EYA1: variants seen among roughly 807,000 people sequenced by gnomAD.
The protein encoded by EYA1 is EYA transcriptional coactivator and phosphatase 1.
EYA1 carries 16 observed loss-of-function variants against 82.0 expected under a neutral mutation model. The observed-to-expected ratio is 0.20, with a 90% CI of 0.13 to 0.30. EYA1 has a LOEUF of 0.30. EYA1 is among the 10% of genes least tolerant of loss of function. The pLI is 1.00. For missense variants in EYA1, 633 were observed against 730.7 expected (o/e 0.87, Z 1.54); for synonymous variants, 261 against 264.4 (o/e 0.99, Z 0.12).
intron 9 of EYA1, among the ~76,000 whole-genome samples, chr8:71,298,093 TAG>T (rs1819785729): frequency 6.6e-6 from 1 of 152,210 alleles, no homozygotes; most frequent in African/African-American, 2.4e-5. Context: ...TATAATTCTA[TAG>T]TCAAAAATTA....
intron 2 of EYA1, chr8:71,470,935 T>TAA: frequency 5.4e-6 from 2 of 372,768 alleles, no homozygotes; most frequent in Admixed American, 2.9e-5. Context: ...CAATGGGCTT[T>TAA]AAAAAAAAAA....
At chr8:71,513,126 A>C (rs1312258519) in intron 2 of EYA1, among the ~76,000 whole-genome samples, 2 of 152,194 alleles carry the variant, frequency 1.3e-5, no homozygotes, top group Non-Finnish European at 2.9e-5. Flanking sequence ...ACACTCTCAA[A>C]CTTGCACAAA....
chr8:71,508,876 T>C (rs1812391427), intron 2 of EYA1, among the ~76,000 whole-genome samples: 1 of 152,148 alleles, frequency 6.6e-6, no homozygotes, highest in Non-Finnish European at 1.5e-5. Context: ...TCTACTGCAC[T>C]AAATAACAAG....
chr8:71,263,832 C>T (rs1324746233), intron 11 of EYA1, among the ~76,000 whole-genome samples: 1 of 152,130 alleles, frequency 6.6e-6, no homozygotes, highest in Non-Finnish European at 1.5e-5. Flanking sequence ...AGACCATAAA[C>T]CAGATTTGAC....
At chr8:71,321,682 A>G in intron 6 of EYA1, 52 bp downstream of exon 6, 2 of 1,599,582 alleles carry the variant, frequency 1.3e-6, no homozygotes, top group South Asian at 1.1e-5. Flanking sequence ...AAACATGTTA[A>G]TACACGCATG....
At chr8:71,221,797 C>T (rs190578896) in intron 12 of EYA1, among the ~76,000 whole-genome samples, 319 of 152,246 alleles carry the variant, frequency 2.1e-3, no homozygotes, top group Non-Finnish European at 3.6e-3. Context: ...GGTCCCTGGG[C>T]ATGCACATTA....
chr8:71,308,903 G>A (rs908658734), intron 7 of EYA1, among the ~76,000 whole-genome samples: 3 of 152,092 alleles, frequency 2.0e-5, no homozygotes, highest in African/African-American at 7.2e-5. Context: ...TTTGTCCCTC[G>A]TGTATTTTCA....
intron 2 of EYA1, among the ~76,000 whole-genome samples, chr8:71,367,827 G>A (rs868440311): frequency 6.6e-6 from 1 of 152,032 alleles, no homozygotes; most frequent in Non-Finnish European, 1.5e-5. Context: ...ATGGTGTGAG[G>A]GTTAAAAAGT....
intron 2 of EYA1, among the ~76,000 whole-genome samples, chr8:71,472,298 TA>T (rs1344236273): frequency 2.6e-5 from 4 of 152,132 alleles, no homozygotes; most frequent in Non-Finnish European, 5.9e-5. Context: ...AGCACATGAC[TA>T]AATGTGATGT....
intron 7 of EYA1, among the ~76,000 whole-genome samples, chr8:71,300,925 C>T (rs1381163770): frequency 1.3e-5 from 2 of 152,072 alleles, no homozygotes; most frequent in East Asian, 1.9e-4. Flanking sequence ...CTAAGAAATG[C>T]TGTCTCTGAA....
intron 7 of EYA1, among the ~76,000 whole-genome samples, chr8:71,313,080 A>AT (rs1290179339): frequency 2.6e-5 from 4 of 152,018 alleles, no homozygotes; most frequent in Non-Finnish European, 5.9e-5. Context: ...AGCTGAGTTT[A>AT]TTTTTTGCCA....
At chr8:71,511,735 T>C (rs1812610270) in intron 2 of EYA1, among the ~76,000 whole-genome samples, 1 of 152,212 alleles carries the variant, frequency 6.6e-6, no homozygotes, top group Non-Finnish European at 1.5e-5. Flanking sequence ...TGGTCACTGT[T>C]GTTTATGTTG....
At chr8:71,447,291 AT>A (rs527987807) in intron 2 of EYA1, among the ~76,000 whole-genome samples, 9 of 151,518 alleles carry the variant, frequency 5.9e-5, no homozygotes, top group African/African-American at 1.5e-4. Context: ...TTCCTAATCT[AT>A]TTTTTTTAAG....
intron 12 of EYA1, among the ~76,000 whole-genome samples, chr8:71,224,064 A>T (rs1040583227): frequency 1.1e-4 from 17 of 152,250 alleles, no homozygotes; most frequent in African/African-American, 4.1e-4. Flanking sequence ...ACTTCTGAAC[A>T]TGAAACTAGA....
intron 3 of EYA1, among the ~76,000 whole-genome samples, chr8:71,350,266 A>C (rs1168544892): frequency 1.3e-5 from 2 of 152,200 alleles, no homozygotes; most frequent in African/African-American, 2.4e-5. Flanking sequence ...TATTTCTTGT[A>C]AATCAGGTTT....
intron 2 of EYA1, among the ~76,000 whole-genome samples, chr8:71,392,189 T>A (rs2129111863): frequency 6.6e-6 from 1 of 152,250 alleles, no homozygotes; most frequent in East Asian, 1.9e-4. Flanking sequence ...TCCCACAGCT[T>A]CCCCAGTGGA....
At chr8:71,503,328 C>T (rs547031162) in intron 2 of EYA1, among the ~76,000 whole-genome samples, 3 of 152,148 alleles carry the variant, frequency 2.0e-5, no homozygotes, top group East Asian at 3.9e-4. Context: ...CAAAAATTAC[C>T]TGGGCGTGGT....
chr8:71,465,831 C>A (rs1423696435), intron 2 of EYA1, among the ~76,000 whole-genome samples: 2 of 151,998 alleles, frequency 1.3e-5, no homozygotes, highest in African/African-American at 4.8e-5. Context: ...TCAGAAAAGG[C>A]AAGGCAAAAT....
intron 2 of EYA1, among the ~76,000 whole-genome samples, chr8:71,368,795 C>A (rs1420070646): frequency 6.6e-6 from 1 of 151,956 alleles, no homozygotes; most frequent in Non-Finnish European, 1.5e-5. Context: ...AGGGACCACA[C>A]CTTTAACCTC....
Sources: gnomAD v4.1 joint callset for allele counts (sites outside exome capture counted in the v4.1 genomes callset) on GRCh38, gnomAD v4.1.1 for gene constraint, MANE v1.5 for transcripts, NCBI Gene and HGNC (gene_info 2026-07-23, HGNC 2026-07-21) for gene names.